The following MICU1 variants were observed in gnomAD, a reference collection of about 807,000 sequenced individuals.
The protein encoded by MICU1 is calcium uptake protein 1, mitochondrial.
In MICU1, 45 loss-of-function variants were observed where a neutral mutation model predicts 56.8. The observed-to-expected ratio is 0.79, with a 90% CI of 0.62 to 1.02. MICU1 has a LOEUF of 1.02. Among genes scored for constraint, MICU1 ranks in the 50% least tolerant of loss-of-function variants. The pLI, the probability that MICU1 is intolerant of heterozygous loss-of-function variation, is 0.00. For synonymous variants in MICU1, 186 were observed against 195.1 expected (o/e 0.95, Z 0.39); for missense variants, 504 against 587.1 (o/e 0.86, Z 1.46).
chr10:72,569,236 TA>T lies in MICU1; in HGVS notation c.-1-2443del, dbSNP rs1331782270. ...ATATATATATATATATATATATATATATTTTTTTTTTTTTTTGAGATGGCGT... is the reference window on the plus strand; with the variant it reads ...ATATATATATATATATATATATATATTTTTTTTTTTTTTTTGAGATGGCGT... On this transcript the variant is annotated intron_variant, in intron 1 of 11. Coordinates refer to ENST00000361114, the MANE Select transcript of MICU1 (RefSeq NM_001195518.2). Among the ~76,000 whole-genome samples, 381 of 42,250 alleles carry T rather than the reference TA, an allele frequency of 9.0e-3. 7 individuals are homozygous for T. The highest frequency in any genetic ancestry group is 0.012 in the South Asian group (13 of 1,102). The allele number at this position is 42,250 out of a possible 152,430, so 27.7% of individuals were successfully genotyped here.
intron 6 of MICU1, chr10:72,477,648 T>C: frequency 9.2e-7 from 1 of 1,090,954 alleles, no homozygotes; most frequent in Non-Finnish European, 1.3e-6. Context: ...TGCTGCAAAG[T>C]AAGAAGTTGA....
chr10:72,379,999 G>A (rs1367533840), intron 10 of MICU1, among the ~76,000 whole-genome samples: 1 of 152,122 alleles, frequency 6.6e-6, no homozygotes, highest in African/African-American at 2.4e-5. Context: ...GGGATGAGTG[G>A]GATGACGGCA....
chr10:72,521,285 C>T (rs927156247), intron 5 of MICU1, among the ~76,000 whole-genome samples: 4 of 152,074 alleles, frequency 2.6e-5, no homozygotes, highest in Non-Finnish European at 5.9e-5. Context: ...TATCACCTCC[C>T]AAGAAACCGT....
At chr10:72,374,806 A>ATTTT (rs1862461272) in intron 11 of MICU1, among the ~76,000 whole-genome samples, 6 of 112,274 alleles carry the variant, frequency 5.3e-5, no homozygotes, top group African/African-American at 2.3e-4. Context: ...ATCTACTATT[A>ATTTT]TCTTTTTTTT....
chr10:72,369,248 G>A (rs1257450060), intron 11 of MICU1, among the ~76,000 whole-genome samples: 2 of 150,664 alleles, frequency 1.3e-5, no homozygotes, highest in Non-Finnish European at 1.5e-5. Flanking sequence ...GCTGCAGTGT[G>A]CTATGATGAC....
chr10:72,505,387 G>A (rs1306612770), intron 6 of MICU1, among the ~76,000 whole-genome samples: 1 of 152,180 alleles, frequency 6.6e-6, no homozygotes, highest in African/African-American at 2.4e-5. Context: ...TTCAGCCACT[G>A]TGGAAACCAG....
At chr10:72,537,069 G>A (rs1038813306) in intron 4 of MICU1, among the ~76,000 whole-genome samples, 1 of 152,166 alleles carries the variant, frequency 6.6e-6, no homozygotes, top group Admixed American at 6.5e-5. Context: ...AAAATGGTGA[G>A]GGGGAAGGGG....
chr10:72,381,960 C>CTA (rs1862717633), intron 10 of MICU1, among the ~76,000 whole-genome samples: 4 of 76,782 alleles, frequency 5.2e-5, no homozygotes, highest in Admixed American at 1.6e-4. Flanking sequence ...ATATATATAT[C>CTA]TATACACACA....
At chr10:72,585,994 A>ATTTTTTTTTTTTTTT (rs1276935862) in intron 1 of MICU1, among the ~76,000 whole-genome samples, 1 of 100,202 alleles carries the variant, frequency 1.0e-5, no homozygotes, top group Non-Finnish European at 2.1e-5. Flanking sequence ...TATTGTTTTT[A>ATTTTTTTTTTTTTTT]TTTTTTCTTT....
At chr10:72,516,662 G>T (rs996498763) in intron 5 of MICU1, among the ~76,000 whole-genome samples, 1 of 152,102 alleles carries the variant, frequency 6.6e-6, no homozygotes, top group Non-Finnish European at 1.5e-5. Flanking sequence ...TGGCTAGTCA[G>T]GTTTCCCAGC....
At chr10:72,474,410 T>G (rs1320984607) in intron 8 of MICU1, among the ~76,000 whole-genome samples, 1 of 152,144 alleles carries the variant, frequency 6.6e-6, no homozygotes, top group African/African-American at 2.4e-5. Context: ...GATCAATGTT[T>G]TGAATGGAAC....
At chr10:72,432,451 G>T (rs1323759179) in intron 8 of MICU1, among the ~76,000 whole-genome samples, 3 of 151,988 alleles carry the variant, frequency 2.0e-5, no homozygotes, top group African/African-American at 7.3e-5. Context: ...CAGTGTATTA[G>T]TCCATTTGTG....
chr10:72,542,786 A>G (rs1296917557), intron 4 of MICU1, among the ~76,000 whole-genome samples: 1 of 152,224 alleles, frequency 6.6e-6, no homozygotes, highest in Non-Finnish European at 1.5e-5. Flanking sequence ...TTGGCTCCCA[A>G]GCTCCTGTCT....
At chr10:72,603,005 A>G (rs1009987448) in intron 1 of MICU1, among the ~76,000 whole-genome samples, 5 of 84,848 alleles carry the variant, frequency 5.9e-5, no homozygotes, top group African/African-American at 3.0e-4. Flanking sequence ...AGTCCCAGCT[A>G]CTCGGAGGCT....
intron 10 of MICU1, among the ~76,000 whole-genome samples, chr10:72,402,615 A>G (rs549356036): frequency 6.6e-6 from 1 of 152,296 alleles, no homozygotes; most frequent in African/African-American, 2.4e-5. Context: ...ACAAAAAATG[A>G]TCGATAAAAT....
rs1443287647 is a variant in MICU1 at position 72,431,655 on chromosome 10, C to T, written c.934-8284G>A. Among the ~76,000 whole-genome samples the T allele has an allele frequency of 3.3e-5, 5 of 152,250 alleles. No individual in the cohort carries two copies. In the East Asian group the frequency reaches 7.7e-4, roughly 23 times the overall value. The stretch of plus-strand genomic sequence containing the variant: ...TAATCACACCAACACTTTTTATCAG[C>T]TATGTATAAGAGTGCCCACTGCTTT... On this transcript the variant is annotated intron_variant, in intron 8 of 11. Coordinates refer to ENST00000361114, the MANE Select transcript of MICU1 (RefSeq NM_001195518.2).
At chr10:72,419,880 T>C (rs1340503822) in intron 9 of MICU1, among the ~76,000 whole-genome samples, 1 of 152,160 alleles carries the variant, frequency 6.6e-6, no homozygotes, top group Non-Finnish European at 1.5e-5. Flanking sequence ...AAATCTCGAA[T>C]TGTAGCTCCC....
intron 1 of MICU1, among the ~76,000 whole-genome samples, chr10:72,609,301 C>T (rs1481419795): frequency 2.0e-5 from 3 of 152,134 alleles, no homozygotes; most frequent in Admixed American, 6.6e-5. Context: ...GTGGCAATAG[C>T]TGCATGACAT....
intron 1 of MICU1, among the ~76,000 whole-genome samples, chr10:72,589,019 G>A (rs1841146319): frequency 6.6e-6 from 1 of 152,226 alleles, no homozygotes; most frequent in African/African-American, 2.4e-5. Context: ...TGGGCACGGT[G>A]ACTCACGCCT....
Sources: gnomAD v4.1 joint callset for allele counts (sites outside exome capture counted in the v4.1 genomes callset) on GRCh38, gnomAD v4.1.1 for gene constraint, MANE v1.5 for transcripts, NCBI Gene and HGNC (gene_info 2026-07-23, HGNC 2026-07-21) for gene names.